Variants in PTK2B observed in about 807,000 individuals in gnomAD.
PTK2B encodes the protein protein tyrosine kinase 2 beta, also known as protein-tyrosine kinase 2-beta.
In PTK2B, 71 loss-of-function variants were observed where a neutral mutation model predicts 142.9. The observed-to-expected ratio is 0.50, with a 90% CI of 0.41 to 0.61. The LOEUF is 0.61. Among genes scored for constraint, PTK2B ranks in the 20% least tolerant of loss-of-function variants. The pLI, the probability that PTK2B is intolerant of heterozygous loss-of-function variation, is 0.00. For synonymous variants in PTK2B, 519 were observed against 503.4 expected (o/e 1.03, Z -0.42); for missense variants, 1,105 against 1,320.4 (o/e 0.84, Z 2.53).
At chr8:27,444,562 C>T (rs1811348209) in intron 23 of PTK2B, among the ~76,000 whole-genome samples, 1 of 152,190 alleles carries the variant, frequency 6.6e-6, no homozygotes, top group Non-Finnish European at 1.5e-5. Flanking sequence ...CTAAGGCCTC[C>T]CTGGCCTCCT....
At chr8:27,436,461 T>G in intron 15 of PTK2B, 113 bp downstream of exon 15, 44 of 849,416 alleles carry the variant, frequency 5.2e-5, no homozygotes, top group Middle Eastern at 2.4e-4. Context: ...TGGGGCCCCT[T>G]GTCCCTAAGG....
intron 2 of PTK2B, among the ~76,000 whole-genome samples, chr8:27,402,966 C>T (rs1380857281): frequency 1.3e-5 from 2 of 152,216 alleles, no homozygotes; most frequent in Non-Finnish European, 2.9e-5. Flanking sequence ...ACTGGGTTTA[C>T]ATGCAGAGGA....
chr8:27,353,037 G>A lies in PTK2B; in HGVS notation c.-38+27356G>A, dbSNP rs374391198. Among the ~76,000 whole-genome samples the A allele has an allele frequency of 3.9e-5, 6 of 152,312 alleles. No individual in the cohort carries two copies. The East Asian group carries it at 9.6e-4, about 24-fold the overall frequency. On this transcript the variant is annotated intron_variant, in intron 1 of 30. Transcript: ENST00000346049. ...GAGTATGGGGGTCTCCTTCACCTAA[G>A]CCAGCCCAGGCTACAGTCACCTAAA... is the stretch of plus-strand genomic sequence containing the variant.
At position 27,411,103 on chromosome 8, in the gene PTK2B, T is replaced by C. The variant is rs185868351; in HGVS notation, c.205-8792T>C. On this transcript the variant is annotated intron_variant, in intron 2 of 30. Coordinates refer to ENST00000346049, the MANE Select transcript of PTK2B (RefSeq NM_173176.3). ...CAGTTTTTAAAAATCATGGCACATA[T>C]GGCAATCTAGTGAATAGATAATCAT... Among the ~76,000 whole-genome samples the C allele has an allele frequency of 1.2e-4, 18 of 152,342 alleles. No homozygotes were observed. In the East Asian group the frequency reaches 3.3e-3, roughly 28 times the overall value.
chr8:27,442,633 A>C (rs1478025127), intron 21 of PTK2B, among the ~76,000 whole-genome samples: 1 of 152,126 alleles, frequency 6.6e-6, no homozygotes, highest in Non-Finnish European at 1.5e-5. Flanking sequence ...CTCACCAAGG[A>C]CGCTTTTCCA....
At chr8:27,368,468 C>T (rs1806149617) in intron 1 of PTK2B, among the ~76,000 whole-genome samples, 1 of 152,214 alleles carries the variant, frequency 6.6e-6, no homozygotes, top group Non-Finnish European at 1.5e-5. Flanking sequence ...GCTGTGAATC[C>T]CCAGCTGTTC....
chr8:27,319,195 T>C (rs1803154284), intron 3 of PTK2B, among the ~76,000 whole-genome samples: 1 of 152,162 alleles, frequency 6.6e-6, no homozygotes, highest in Non-Finnish European at 1.5e-5. Context: ...GAGAGAACAG[T>C]ATAATTAACC....
intron 27 of PTK2B, chr8:27,451,900 C>T (rs550590362): frequency 2.0e-5 from 9 of 455,258 alleles, no homozygotes; most frequent in Admixed American, 1.7e-4. Flanking sequence ...GCCTGAGGGA[C>T]AGAGGAGAGA....
At chr8:27,369,117 G>A (rs1338171524) in intron 1 of PTK2B, among the ~76,000 whole-genome samples, 1 of 152,172 alleles carries the variant, frequency 6.6e-6, no homozygotes, top group East Asian at 1.9e-4. Flanking sequence ...AAGCAGAATG[G>A]AATAACATCT....
chr8:27,415,359 T>G (rs1419863516), intron 2 of PTK2B, among the ~76,000 whole-genome samples: 1 of 152,206 alleles, frequency 6.6e-6, no homozygotes, highest in African/African-American at 2.4e-5. Context: ...AAAGGTATTC[T>G]CTGCTCCCCA....
At chr8:27,405,565 G>T (rs1223159667) in intron 2 of PTK2B, among the ~76,000 whole-genome samples, 1 of 152,176 alleles carries the variant, frequency 6.6e-6, no homozygotes, top group East Asian at 1.9e-4. Context: ...TATTTAAAAA[G>T]GTATATTCAC....
intron 1 of PTK2B, among the ~76,000 whole-genome samples, chr8:27,370,126 C>T (rs1172554714): frequency 6.6e-6 from 1 of 152,340 alleles, no homozygotes; most frequent in East Asian, 1.9e-4. Flanking sequence ...ACACTCTGTG[C>T]AGTTTTCCTC....
rs1213389406 is a variant in PTK2B, at chr8:27,363,242, G to A, written c.-37-34306G>A. Among the ~76,000 whole-genome samples, 1 of 152,146 alleles carries A rather than the reference G, an allele frequency of 6.6e-6. No homozygotes were observed. Among genetic ancestry groups the A allele is most frequent in the Admixed American group, 6.5e-5 (1 of 15,284 alleles). On this transcript the variant is annotated intron_variant, in intron 1 of 30. Transcript: ENST00000346049. The surrounding 1 kb of genome is among the most constrained non-coding windows in gnomAD (Gnocchi z 4.3). ...AGCTTTGAGGGAGAGAGGGGAGCCA[G>A]AGAGGACGTCTCGTGAGAAGTGTTT... is the stretch of plus-strand genomic sequence containing the variant.
intron 9 of PTK2B, 118 bp from the exon 10 acceptor site, chr8:27,432,142 C>A: frequency 1.2e-6 from 1 of 840,650 alleles, no homozygotes; most frequent in South Asian, 1.6e-5. Context: ...TTGATTCTCT[C>A]TTCATCTCCC....
intron 8 of PTK2B, 45 bp downstream of exon 8, chr8:27,431,061 G>A (rs1481050597): frequency 1.3e-6 from 2 of 1,584,626 alleles, no homozygotes; most frequent in South Asian, 2.3e-5. Flanking sequence ...TGGATTCCAG[G>A]CCTCTCGGAA....
intron 1 of PTK2B, among the ~76,000 whole-genome samples, chr8:27,396,899 C>G (rs1040639541): frequency 6.6e-6 from 1 of 152,220 alleles, no homozygotes; most frequent in Non-Finnish European, 1.5e-5. Context: ...GGGCAGAGCG[C>G]TGTTCCTCTT....
chr8:27,451,680 C>T, intron 27 of PTK2B, 171 bp downstream of exon 27: 5 of 1,468,434 alleles, frequency 3.4e-6, no homozygotes, highest in Non-Finnish European at 4.5e-6. Context: ...CCTCCGCTCC[C>T]TCCACCCCAT....
chr8:27,425,922 T>A (rs1291554988), intron 5 of PTK2B, among the ~76,000 whole-genome samples: 1 of 152,178 alleles, frequency 6.6e-6, no homozygotes, highest in Admixed American at 6.5e-5. Context: ...GCCAAATGTT[T>A]GATCTAAATA....
Position 27,434,540 on chromosome 8 carries a change from C to G in PTK2B, c.1173C>G (p.Leu391=). ...MLNLEARRSH[L]SESCSIESDI... is the part of the protein sequence containing the mutation. The stretch of plus-strand genomic sequence containing the variant: ...ACCTGGAGGCCCGGCGGTCCCACCT[C>G]TCAGAGAGCTGCAGCATAGGTGAGC... The change falls in exon 13 of 31, where the codon CTC becomes CTG. Residue 391 remains leucine, a synonymous_variant. Coordinates refer to ENST00000346049, the MANE Select transcript of PTK2B (RefSeq NM_173176.3). 1 of 1,607,708 alleles carries G rather than the reference C, an allele frequency of 6.2e-7. No individual in the cohort carries two copies. Among genetic ancestry groups the G allele is most frequent in the Non-Finnish European group, 8.5e-7 (1 of 1,177,222 alleles).
Sources: allele counts gnomAD v4.1 joint callset (sites outside exome capture counted in the v4.1 genomes callset), GRCh38; gene constraint gnomAD v4.1.1; non-coding constraint Gnocchi (gnomAD v3.1); transcripts MANE v1.5; gene names NCBI Gene and HGNC (gene_info 2026-07-23, HGNC 2026-07-21).